Variants in PAX5 observed in about 807,000 individuals in gnomAD.
PAX5 encodes the protein paired box protein Pax-5.
PAX5 carries 9 observed loss-of-function variants against 43.7 expected under a neutral mutation model. The observed-to-expected ratio is 0.21, with a 90% confidence interval of 0.12 to 0.36. The LOEUF is 0.36. Among genes scored for constraint, PAX5 ranks in the 10% least tolerant of loss-of-function variants. The pLI, the probability that PAX5 is intolerant of heterozygous loss-of-function variation, is 1.00. For missense variants in PAX5, 383 were observed against 532.7 expected, an observed-to-expected ratio of 0.72 and a Z score of 2.77; for synonymous variants, 228 against 214.3, an observed-to-expected ratio of 1.06 and a Z score of -0.56.
chr9:36,956,268 G>A (rs745772466), intron 6 of PAX5, among the ~76,000 whole-genome samples: 4 of 152,176 alleles, frequency 2.6e-5, no homozygotes, highest in East Asian at 1.9e-4. Flanking sequence ...AAGAACAACC[G>A]AGCAAGGTGC....
chr9:37,016,908 A>T (rs1839436323), intron 2 of PAX5, among the ~76,000 whole-genome samples: 1 of 152,234 alleles, frequency 6.6e-6, no homozygotes, highest in Admixed American at 6.5e-5. Context: ...CAGTGATGTG[A>T]AAGTGAAATG....
At chr9:36,949,244 T>A (rs1832806478) in intron 6 of PAX5, among the ~76,000 whole-genome samples, 1 of 152,016 alleles carries the variant, frequency 6.6e-6, no homozygotes, top group Non-Finnish European at 1.5e-5. Context: ...GTATTTTTAG[T>A]AGAGACGGGG....
intron 7 of PAX5, among the ~76,000 whole-genome samples, chr9:36,920,918 A>G (rs1289995283): frequency 1.4e-5 from 2 of 148,058 alleles, no homozygotes; most frequent in African/African-American, 2.5e-5. Context: ...GGTTCAAGCA[A>G]TTCTCCTGCC....
At chr9:36,962,651 C>T (rs10435737) in intron 6 of PAX5, among the ~76,000 whole-genome samples, 2 of 152,290 alleles carry the variant, frequency 1.3e-5, no homozygotes, top group Non-Finnish European at 1.5e-5. Context: ...GATATGGAAA[C>T]TGAGGCCCAG....
chr9:37,004,464 T>G (rs2132411842), intron 4 of PAX5, among the ~76,000 whole-genome samples: 1 of 152,288 alleles, frequency 6.6e-6, no homozygotes, highest in South Asian at 2.1e-4. Context: ...TCACTAGAAA[T>G]GGTGGTGACT....
chr9:36,870,827 T>G (rs541076845), intron 8 of PAX5, among the ~76,000 whole-genome samples: 2 of 152,080 alleles, frequency 1.3e-5, no homozygotes, highest in African/African-American at 4.8e-5. Context: ...TGATAAAAAG[T>G]AAAAGAAAAG....
In PAX5 at chr9:36,923,401, G is replaced by C. The variant is rs1830344297; in HGVS notation, c.864C>G (p.Asp288Glu). The change falls in exon 7 of 10, where the codon GAC becomes GAG. Residue 288 changes from aspartate to glutamate, a missense_variant. This residue lies in a region of PAX5 where 291 missense variants were observed against 342.5 expected (regional missense o/e 0.85). Transcript: ENST00000358127. The part of the protein sequence containing the change: ...KANLASPTPA[D>E]IGSSVPGPQS... ...GCGGGCCTGGCACACTGCTCCCGAT[G>C]TCAGCAGGGGTGGGGCTGGCCAGAT... 6.2e-7 allele frequency: 1 copy of C among 1,613,254 alleles called. No homozygotes were observed. The highest frequency in any genetic ancestry group is 8.5e-7 in the Non-Finnish European group (1 of 1,180,010).
Position 36,932,467 on chromosome 9 carries a change from T to C in PAX5, c.781-8983A>G, listed in dbSNP as rs114511927. On this transcript the variant is annotated intron_variant, in intron 6 of 9. Coordinates refer to ENST00000358127, the MANE Select transcript of PAX5 (RefSeq NM_016734.3). Reference sequence around the variant, plus strand: ...TGGATGAATCTCAAAAGCATTATGCTAGGTGAAAAAGTCCAGACATATAGG... The same window carrying C: ...TGGATGAATCTCAAAAGCATTATGCCAGGTGAAAAAGTCCAGACATATAGG... Among the ~76,000 whole-genome samples the C allele has an allele frequency of 3.0e-3, 463 of 152,276 alleles. 8 individuals are homozygous for C. The highest frequency in any genetic ancestry group is 8.3e-3 in the African/African-American group (344 of 41,550).
At chr9:36,899,803 T>G (rs1229365287) in intron 7 of PAX5, among the ~76,000 whole-genome samples, 1 of 152,158 alleles carries the variant, frequency 6.6e-6, no homozygotes, top group Admixed American at 6.5e-5. Context: ...CAGCCTCCTC[T>G]CCTCACTATG....
intron 5 of PAX5, among the ~76,000 whole-genome samples, chr9:36,972,785 T>C (rs12378284): frequency 0.37 from 56,972 of 152,068 alleles, 11,611 homozygotes; most frequent in East Asian, 0.56. Context: ...CCCAGCACTT[T>C]GGGAGGCCGA....
chr9:36,863,777 G>A (rs192173295), intron 8 of PAX5, among the ~76,000 whole-genome samples: 10 of 152,264 alleles, frequency 6.6e-5, no homozygotes, highest in Admixed American at 5.9e-4. Context: ...CACGCAGGTC[G>A]GGGAATGAAA....
intron 6 of PAX5, among the ~76,000 whole-genome samples, chr9:36,951,049 T>C (rs778973595): frequency 3.3e-5 from 5 of 152,172 alleles, no homozygotes; most frequent in Non-Finnish European, 7.4e-5. Context: ...TTTTCTTTTC[T>C]ATAGGCCAGC....
At chr9:36,888,432 T>A (rs573647928) in intron 7 of PAX5, among the ~76,000 whole-genome samples, 6 of 152,276 alleles carry the variant, frequency 3.9e-5, no homozygotes, top group African/African-American at 1.4e-4. Context: ...TATTTGGCAA[T>A]AAAACAGAGT....
At chr9:36,933,001 C>T (rs1831249319) in intron 6 of PAX5, among the ~76,000 whole-genome samples, 1 of 151,784 alleles carries the variant, frequency 6.6e-6, no homozygotes, top group African/African-American at 2.4e-5. Flanking sequence ...ACTAAAAATA[C>T]AAAAATAGTC....
At chr9:36,962,590 G>A (rs1834067604) in intron 6 of PAX5, among the ~76,000 whole-genome samples, 1 of 152,162 alleles carries the variant, frequency 6.6e-6, no homozygotes, top group Non-Finnish European at 1.5e-5. Context: ...TTCGGCTGCT[G>A]CAGCTGTTCT....
At chr9:36,892,195 G>T (rs1243901996) in intron 7 of PAX5, among the ~76,000 whole-genome samples, 4 of 152,230 alleles carry the variant, frequency 2.6e-5, no homozygotes, top group Non-Finnish European at 5.9e-5. Flanking sequence ...GACGGGGACT[G>T]CTCCAGAGAC....
At chr9:36,956,517 C>T (rs575946605) in intron 6 of PAX5, among the ~76,000 whole-genome samples, 36 of 152,292 alleles carry the variant, frequency 2.4e-4, no homozygotes, top group Non-Finnish European at 4.4e-4. Context: ...GAGTGACTAG[C>T]CTAAGAGCCA....
At chr9:36,975,155 T>C (rs1162450850) in intron 5 of PAX5, among the ~76,000 whole-genome samples, 1 of 152,178 alleles carries the variant, frequency 6.6e-6, no homozygotes, top group African/African-American at 2.4e-5. Context: ...CTCAGTCCTC[T>C]TGGAACCTCC....
chr9:36,916,125 A>AGG (rs1829714002), intron 7 of PAX5, among the ~76,000 whole-genome samples: 1 of 152,066 alleles, frequency 6.6e-6, no homozygotes, highest in Non-Finnish European at 1.5e-5. Flanking sequence ...TGATATTTAA[A>AGG]GGTTTTGTTC....
Sources: allele counts gnomAD v4.1 joint callset (sites outside exome capture counted in the v4.1 genomes callset), GRCh38; gene constraint gnomAD v4.1.1; regional missense constraint gnomAD v4.1.1; transcripts MANE v1.5; gene names NCBI Gene and HGNC (gene_info 2026-07-23, HGNC 2026-07-21).